Variants in DLG1 observed in about 807,000 individuals in gnomAD.
DLG1 encodes the protein discs large MAGUK scaffold protein 1.
In DLG1, 42 loss-of-function variants were observed where a neutral mutation model predicts 123.4. The observed-to-expected ratio is 0.34, with a 90% CI of 0.27 to 0.44. The LOEUF is 0.44. DLG1 is among the 20% of genes least tolerant of loss of function. DLG1 has a pLI of 1.00. For synonymous variants in DLG1, 317 were observed against 356.2 expected, an observed-to-expected ratio of 0.89 and a Z score of 1.24; for missense variants, 942 against 1,082.6, an observed-to-expected ratio of 0.87 and a Z score of 1.82.
At chr3:197,164,381 A>G (rs1441566064) in intron 5 of DLG1, among the ~76,000 whole-genome samples, 1 of 152,038 alleles carries the variant, frequency 6.6e-6, no homozygotes, top group African/African-American at 2.4e-5. Context: ...TGGGCAACAG[A>G]GTGAGACTCT....
intron 4 of DLG1, among the ~76,000 whole-genome samples, chr3:197,245,903 G>T (rs1044264374): frequency 7.0e-6 from 1 of 142,034 alleles, no homozygotes; most frequent in Non-Finnish European, 1.5e-5. Context: ...TTTTTTTTGG[G>T]GGGGGGGGAG....
In DLG1 at chr3:197,194,541, G is replaced by A; in HGVS notation, c.367C>T (p.Pro123Ser). The A allele has an allele frequency of 6.2e-7, 1 of 1,605,610 alleles. No homozygotes were observed. Among genetic ancestry groups the A allele is most frequent in the Non-Finnish European group, 8.5e-7 (1 of 1,176,648 alleles). ...EDTPPQEHIS[P>S]QITNEVIGPE... ...CCTATCACTTCATTTGTGATTTGTG[G>A]GGAAATATGCTCTTGAGGAGGTGTA... The change falls in exon 5 of 25, where the codon CCA (proline) becomes TCA (serine). Residue 123 changes from proline to serine, a missense_variant. Transcript: ENST00000667157.
chr3:197,168,295 C>T (rs1421591112), intron 5 of DLG1, among the ~76,000 whole-genome samples: 6 of 152,224 alleles, frequency 3.9e-5, no homozygotes, highest in Admixed American at 6.5e-5. Context: ...AGGCCAACAC[C>T]GCTGAGAAAG....
At chr3:197,245,906 G>A (rs796545706) in intron 4 of DLG1, among the ~76,000 whole-genome samples, 3 of 141,606 alleles carry the variant, frequency 2.1e-5, no homozygotes, top group African/African-American at 5.2e-5. Flanking sequence ...TTTTTGGGGG[G>A]GGGGGAGGTG....
intron 22 of DLG1, among the ~76,000 whole-genome samples, chr3:197,060,371 T>G (rs1734948267): frequency 6.6e-6 from 1 of 152,118 alleles, no homozygotes; most frequent in Non-Finnish European, 1.5e-5. Flanking sequence ...GGGGCTCAAG[T>G]GATCCTCCCA....
In DLG1 at chr3:197,065,381, C is replaced by T. The variant is rs1738814406; in HGVS notation, c.2268G>A (p.Glu756=). 4 of 1,613,046 alleles carry T rather than the reference C, an allele frequency of 2.5e-6. No individual in the cohort carries two copies. In the African/African-American group the frequency reaches 5.4e-5, roughly 22 times the overall value. Reference sequence around the variant, plus strand: ...GTTCCTGGATATCTTTTTCCATCTGCTCTCTTGAAGTCACAAAATGATAAT... The same window carrying T: ...GTTCCTGGATATCTTTTTCCATCTGTTCTCTTGAAGTCACAAAATGATAAT... ...GRDYHFVTSR[E]QMEKDIQEHK... Residue 756 remains glutamate, a synonymous_variant, in exon 22 of 25, where the codon GAG becomes GAA. Coordinates refer to ENST00000667157, the MANE Select transcript of DLG1 (RefSeq NM_001366207.1).
intron 4 of DLG1, among the ~76,000 whole-genome samples, chr3:197,271,679 T>A (rs924206903): frequency 1.3e-5 from 2 of 152,196 alleles, no homozygotes; most frequent in African/African-American, 2.4e-5. Context: ...CAATTTTGAA[T>A]AGAGATTGGA....
At chr3:197,163,762 CTCCTGACCTT>C (rs1165774832) in intron 5 of DLG1, among the ~76,000 whole-genome samples, 3 of 140,770 alleles carry the variant, frequency 2.1e-5, no homozygotes, top group Non-Finnish European at 4.5e-5. Flanking sequence ...TGGTCTTGAA[CTCCTGACCTT>C]GTGATCCACC....
intron 4 of DLG1, among the ~76,000 whole-genome samples, chr3:197,197,309 T>C (rs746189512): frequency 1.1e-4 from 16 of 152,256 alleles, no homozygotes; most frequent in African/African-American, 3.9e-4. Flanking sequence ...CCTGTCTCTC[T>C]TTTTGTAAAG....
intron 8 of DLG1, among the ~76,000 whole-genome samples, chr3:197,139,117 TAA>T (rs1305477487): frequency 2.0e-5 from 3 of 152,234 alleles, no homozygotes; most frequent in Admixed American, 6.5e-5. Flanking sequence ...TTATGTTTTT[TAA>T]AAGTCTGATT....
intron 10 of DLG1, 112 bp from the exon 11 acceptor site, chr3:197,130,783 G>A: frequency 1.2e-6 from 1 of 824,406 alleles, no homozygotes; most frequent in Non-Finnish European, 1.8e-6. Flanking sequence ...GAAAATAAAG[G>A]TATGCCGAAA....
At chr3:197,158,634 CA>C (rs71623339) in intron 5 of DLG1, among the ~76,000 whole-genome samples, 1,189 of 67,360 alleles carry the variant, frequency 0.018, 9 homozygotes, top group African/African-American at 0.024. Flanking sequence ...AACTCCATTT[CA>C]AAAAAAAAAA....
chr3:197,246,100 T>C (rs1423173811), intron 4 of DLG1, among the ~76,000 whole-genome samples: 8 of 152,208 alleles, frequency 5.3e-5, no homozygotes, highest in Admixed American at 5.2e-4. Flanking sequence ...GCTTGATTTA[T>C]TGCAAACAAT....
chr3:197,055,622 T>C (rs1212410097), intron 23 of DLG1, among the ~76,000 whole-genome samples: 1 of 152,100 alleles, frequency 6.6e-6, no homozygotes, highest in African/African-American at 2.4e-5. Context: ...TTTCCATGGA[T>C]ATGAAAACCT....
At chr3:197,087,809 C>T (rs1421373427) in intron 15 of DLG1, among the ~76,000 whole-genome samples, 1 of 152,184 alleles carries the variant, frequency 6.6e-6, no homozygotes, top group African/African-American at 2.4e-5. Flanking sequence ...GGATAAGTTA[C>T]TGTACTAAAA....
intron 14 of DLG1, among the ~76,000 whole-genome samples, chr3:197,097,644 G>A (rs1192908143): frequency 1.4e-5 from 2 of 139,938 alleles, no homozygotes; most frequent in East Asian, 2.1e-4. Context: ...GCAGTGGCGC[G>A]ATCTCGGCTC....
At chr3:197,207,715 T>C (rs1425687488) in intron 4 of DLG1, among the ~76,000 whole-genome samples, 1 of 147,598 alleles carries the variant, frequency 6.8e-6, no homozygotes, top group Non-Finnish European at 1.5e-5. Flanking sequence ...TAAATAGAAA[T>C]TTGGTACTAT....
At chr3:197,176,398 G>A (rs995680348) in intron 5 of DLG1, among the ~76,000 whole-genome samples, 19 of 152,046 alleles carry the variant, frequency 1.2e-4, no homozygotes, top group African/African-American at 4.3e-4. Context: ...GTTTAATGAC[G>A]TTTCCGCCAT....
chr3:197,267,336 T>C lies in DLG1; in HGVS notation c.318+15343A>G, dbSNP rs114369757. Among the ~76,000 whole-genome samples, 1,282 of 152,252 alleles carry C rather than the reference T, an allele frequency of 8.4e-3. 18 individuals carry two copies. Among genetic ancestry groups the C allele is most frequent in the African/African-American group, 0.029 (1,214 of 41,530 alleles). ...AGATAACATATGCGAACAGCTTCTG[T>C]TTTGCCCTTGGATCCTTTTCTCTTT... On this transcript the variant is annotated intron_variant, in intron 4 of 24. Transcript: ENST00000667157.
Sources: gnomAD v4.1 joint callset for allele counts (sites outside exome capture counted in the v4.1 genomes callset) on GRCh38, gnomAD v4.1.1 for gene constraint, MANE v1.5 for transcripts, NCBI Gene and HGNC (gene_info 2026-07-23, HGNC 2026-07-21) for gene names.